The following AKAP13 variants were observed in gnomAD, a reference collection of about 807,000 sequenced individuals.
AKAP13 encodes A-kinase anchoring protein 13.
AKAP13 carries 80 observed loss-of-function variants against 264.5 expected under a neutral mutation model. The ratio of observed to expected loss-of-function variants is 0.30; its 90% CI spans 0.25 to 0.36. The LOEUF (loss-of-function observed/expected upper bound fraction) is 0.36, where lower values mean the gene tolerates loss of function less well. Ranked by LOEUF, AKAP13 falls within the 10% of genes least tolerant of loss-of-function variation. AKAP13 has a pLI of 1.00. For synonymous variants in AKAP13, 1,380 were observed against 1,250.2 expected, an observed-to-expected ratio of 1.10 and a Z score of -2.19; for missense variants, 3,712 against 3,435.2, an observed-to-expected ratio of 1.08 and a Z score of -2.01.
intron 8 of AKAP13, among the ~76,000 whole-genome samples, chr15:85,625,200 T>A (rs532173983): frequency 1.3e-5 from 2 of 152,354 alleles, no homozygotes; most frequent in South Asian, 4.1e-4. Flanking sequence ...ACCCATTCAC[T>A]TTCCTACCCA....
chr15:85,743,964 G>A, intron 36 of AKAP13, 139 bp downstream of exon 36: 2 of 983,110 alleles, frequency 2.0e-6, no homozygotes, highest in Non-Finnish European at 2.9e-6. Context: ...CTTTTCACCA[G>A]CTCCGCTTGC....
At chr15:85,430,447 TAG>T (rs763491625) in intron 1 of AKAP13, among the ~76,000 whole-genome samples, 1 of 152,212 alleles carries the variant, frequency 6.6e-6, no homozygotes, top group African/African-American at 2.4e-5. Context: ...TCTTCAATTG[TAG>T]AGAGAGATTA....
chr15:85,705,401 C>T lies in AKAP13; in HGVS notation c.5465-2618C>T, dbSNP rs186580457. Among the ~76,000 whole-genome samples, 44 of 152,278 alleles carry T rather than the reference C, an allele frequency of 2.9e-4. 1 individual carries two copies. The highest frequency in any genetic ancestry group is 5.2e-4 in the Admixed American group (8 of 15,292). ...GCTGGTTCTCCAGCAAATCTGCCAC[C>T]TCCTGTGTTGCCCTTAGGTGCCTAA... On this transcript the variant is annotated intron_variant, in intron 17 of 36. Coordinates refer to ENST00000394518, the MANE Select transcript of AKAP13 (RefSeq NM_007200.5).
intron 4 of AKAP13, among the ~76,000 whole-genome samples, chr15:85,537,265 A>C (rs112552237): frequency 3.1e-4 from 1 of 3,218 alleles, no homozygotes; most frequent in Non-Finnish European, 1.0e-3. Context: ...AGTTGCACAT[A>C]AATACTTTTA....
intron 1 of AKAP13, among the ~76,000 whole-genome samples, chr15:85,390,975 G>A (rs1463279510): frequency 6.6e-6 from 1 of 152,198 alleles, no homozygotes; most frequent in Non-Finnish European, 1.5e-5. Flanking sequence ...CTGGAGTTCA[G>A]TGATGGTCTG....
intron 8 of AKAP13, among the ~76,000 whole-genome samples, chr15:85,630,211 CATGA>C (rs2081673935): frequency 5.2e-5 from 1 of 19,218 alleles, no homozygotes; most frequent in African/African-American, 2.6e-4. Flanking sequence ...ACACACACAT[CATGA>C]ACTAAGATGG....
At chr15:85,655,289 T>C in intron 10 of AKAP13, 128 bp from the exon 11 acceptor site, 1 of 1,178,712 alleles carries the variant, frequency 8.5e-7, no homozygotes. Flanking sequence ...AAAAAACAAG[T>C]CTCTGAGGCC....
chr15:85,675,671 T>C (rs1174697525), intron 14 of AKAP13, among the ~76,000 whole-genome samples: 4 of 152,196 alleles, frequency 2.6e-5, no homozygotes, highest in Non-Finnish European at 5.9e-5. Flanking sequence ...TCTGATGTTA[T>C]AGGACTGACA....
rs551820455 is a variant in AKAP13 at position 85,524,426 on chromosome 15, G to A, written c.181+2851G>A. 1.9e-3 allele frequency among the ~76,000 whole-genome samples: 294 copies of A among 151,858 alleles called. 8 individuals carry two copies. The South Asian group carries it at 0.048, about 25-fold the overall frequency. ...CCTGACCTCGTGATCTGCCCACCTC[G>A]GCCTCCCAAAGTGCTGGGATTACAG... On this transcript the variant is annotated intron_variant, in intron 3 of 36. Coordinates refer to ENST00000394518, the MANE Select transcript of AKAP13 (RefSeq NM_007200.5).
chr15:85,702,705 T>C (rs2151671886), intron 17 of AKAP13: 1 of 152,366 alleles, frequency 6.6e-6, no homozygotes, highest in Non-Finnish European at 1.5e-5. Flanking sequence ...TGATATGTTA[T>C]GATGGTTTAT....
chr15:85,480,819 C>G (rs907148160), intron 1 of AKAP13: 2 of 152,230 alleles, frequency 1.3e-5, no homozygotes, highest in Non-Finnish European at 2.9e-5. Flanking sequence ...TCCCCAGAAA[C>G]TGGGATTACA....
At chr15:85,407,149 A>G (rs867105300) in intron 1 of AKAP13, among the ~76,000 whole-genome samples, 1 of 151,702 alleles carries the variant, frequency 6.6e-6, no homozygotes, top group Admixed American at 6.6e-5. Context: ...TTGTGTAACA[A>G]TGTTAGAGTA....
chr15:85,464,730 CAG>C (rs1304994651), intron 1 of AKAP13, among the ~76,000 whole-genome samples: 4 of 152,134 alleles, frequency 2.6e-5, no homozygotes, highest in African/African-American at 9.7e-5. Context: ...AGTCTGATAC[CAG>C]AGTCAGGACT....
At chr15:85,589,596 A>G (rs1055668097) in intron 8 of AKAP13, among the ~76,000 whole-genome samples, 56 of 149,288 alleles carry the variant, frequency 3.8e-4, no homozygotes, top group Middle Eastern at 3.4e-3. Context: ...TCTCCACTAA[A>G]AAAAAAAAAA....
intron 17 of AKAP13, among the ~76,000 whole-genome samples, chr15:85,701,752 G>A (rs1206278096): frequency 4.0e-5 from 6 of 151,892 alleles, no homozygotes; most frequent in Non-Finnish European, 5.9e-5. Context: ...TATATTTGAG[G>A]TTTAAACTGA....
intron 2 of AKAP13, among the ~76,000 whole-genome samples, chr15:85,500,980 G>A (rs1236863397): frequency 1.3e-5 from 2 of 152,136 alleles, no homozygotes; most frequent in Non-Finnish European, 2.9e-5. Flanking sequence ...CTGCTCAGGC[G>A]ATGGTACATT....
At chr15:85,683,550 C>A (rs1861857) in intron 15 of AKAP13, 27,702 of 152,132 alleles carry the variant, frequency 0.18, 2,755 homozygotes, top group Non-Finnish European at 0.22. Context: ...GCTCACTGCA[C>A]CCTCCACCTC....
Position 85,718,917 on chromosome 15 carries a change from CAAAA to C in AKAP13, c.6002-155_6002-152del, listed in dbSNP as rs907821877. On this transcript the variant is annotated intron_variant, in intron 22 of 36. Coordinates refer to ENST00000394518, the MANE Select transcript of AKAP13 (RefSeq NM_007200.5). The surrounding 1 kb of genome is among the most constrained non-coding windows in gnomAD (Gnocchi z 4.9). ...CTGTCTTAAAAAAAAAACAAAAAAA[CAAAA>C]AAACGAGAACACTTTTAGGGGAAAG... is the stretch of plus-strand genomic sequence containing the variant. 73 of 1,040,942 alleles carry C rather than the reference CAAAA, an allele frequency of 7.0e-5. 1 individual carries two copies. The highest frequency in any genetic ancestry group is 1.3e-6 in the Non-Finnish European group (1 of 742,622). 64.5% of individuals were successfully genotyped at this position (1,040,942 alleles called of 1,614,324 possible). A position where few individuals can be genotyped will look rare whatever the true frequency, so the allele number is the denominator to read the frequency against.
rs59420326 is a variant in AKAP13 at position 85,498,199 on chromosome 15, G to GATATATATAT, written c.33+12465_33+12474dup. Among the ~76,000 whole-genome samples, 81 of 133,076 alleles carry GATATATATAT rather than the reference G, an allele frequency of 6.1e-4. 3 individuals carry two copies. Among genetic ancestry groups the GATATATATAT allele is most frequent in the African/African-American group, 1.6e-3 (55 of 34,834 alleles). 87.3% of individuals were successfully genotyped at this position (133,076 alleles called of 152,430 possible). A position where few individuals can be genotyped will look rare whatever the true frequency, so the allele number is the denominator to read the frequency against. Reference sequence around the variant, plus strand: ...TGGTAGTAAGGATTAAATGAAGTGAGATATATATATATATATATATATATA... The same window carrying GATATATATAT: ...TGGTAGTAAGGATTAAATGAAGTGAGATATATATATATATATATATATATATATATATATA... On this transcript the variant is annotated intron_variant, in intron 2 of 36. Coordinates refer to ENST00000394518, the MANE Select transcript of AKAP13 (RefSeq NM_007200.5).
Sources: allele counts gnomAD v4.1 joint callset (sites outside exome capture counted in the v4.1 genomes callset), GRCh38; gene constraint gnomAD v4.1.1; non-coding constraint Gnocchi (gnomAD v3.1); transcripts MANE v1.5; gene names NCBI Gene and HGNC (gene_info 2026-07-23, HGNC 2026-07-21).